The following PCDHGA1 variants were observed in gnomAD, a reference collection of about 807,000 sequenced individuals.
The protein encoded by PCDHGA1 is protocadherin gamma subfamily A, 1.
In PCDHGA1, 32 loss-of-function variants were observed where a neutral mutation model predicts 58.0. The ratio of observed to expected loss-of-function variants is 0.55; its 90% CI spans 0.42 to 0.74. The LOEUF is 0.74. PCDHGA1 is among the 30% of genes least tolerant of loss of function. The probability of loss-of-function intolerance (pLI) is 0.00; values close to 1 mark genes in which losing one functional copy is unlikely to be tolerated. For missense variants in PCDHGA1, 1,205 were observed against 1,182.3 expected, an observed-to-expected ratio of 1.02 and a Z score of -0.28; for synonymous variants, 498 against 501.1, an observed-to-expected ratio of 0.99 and a Z score of 0.08.
At chr5:141,350,392 G>A (rs778408660) in intron 1 of PCDHGA1, 91 of 1,598,620 alleles carry the variant, frequency 5.7e-5, no homozygotes, top group Non-Finnish European at 7.4e-5. Flanking sequence ...ACGGCTCACG[G>A]GTGGGGAAAC....
chr5:141,508,409 G>T (rs143032030), intron 3 of PCDHGA1: 4 of 152,276 alleles, frequency 2.6e-5, no homozygotes, highest in South Asian at 2.1e-4. Context: ...CTTGAGCCAC[G>T]CAGAGACTTG....
At position 141,486,785 on chromosome 5, in the gene PCDHGA1, C is replaced by T. The variant is rs763174232; in HGVS notation, c.2422-8022C>T. 1.2e-5 allele frequency: 20 copies of T among 1,614,102 alleles called. No homozygotes were observed. The highest frequency in any genetic ancestry group is 5.3e-5 in the African/African-American group (4 of 74,936). On this transcript the variant is annotated intron_variant, in intron 1 of 3. Transcript: ENST00000517417. This position sits in a 1 kb window ranked among gnomAD's most constrained non-coding sequence, Gnocchi z 5.0. ...GACACTGCAGTTTGAGGTGCAGGCC[C>T]GGGATCGGGGCAACCCACCCCTTAG...
At chr5:141,464,279 C>CAAA (rs373828487) in intron 1 of PCDHGA1, among the ~76,000 whole-genome samples, 8 of 137,748 alleles carry the variant, frequency 5.8e-5, no homozygotes, top group Admixed American at 1.5e-4. Flanking sequence ...AAAAAAAAAG[C>CAAA]AAAAAAAAAA....
At chr5:141,370,557 G>A (rs1439774902) in intron 1 of PCDHGA1, 1 of 1,613,966 alleles carries the variant, frequency 6.2e-7, no homozygotes, top group East Asian at 2.2e-5. Context: ...CAAGGACCTG[G>A]GGTTTGGCGT....
In PCDHGA1 at chr5:141,477,868, C is replaced by T. The variant is rs1450078298; in HGVS notation, c.2422-16939C>T. 2 of 1,613,750 alleles carry T rather than the reference C, an allele frequency of 1.2e-6. No individual in the cohort carries two copies. Among genetic ancestry groups the T allele is most frequent in the Admixed American group, 3.3e-5 (2 of 59,988 alleles). On this transcript the variant is annotated intron_variant, in intron 1 of 3. Coordinates refer to ENST00000517417, the MANE Select transcript of PCDHGA1 (RefSeq NM_018912.3). This position sits in a 1 kb window ranked among gnomAD's most constrained non-coding sequence, Gnocchi z 4.9. ...CGGTGGAGATGCTGCCTCGAGGTAC[C>T]TCAGCTGGCCACCTAGTGTCACGGG...
chr5:141,490,346 TG>T lies in PCDHGA1; in HGVS notation c.2422-4457del, dbSNP rs1458588422. ...GAGAGCACACCAGTGGGCACAGTAG[TG>T]GGGTTGTTTAATGTGCGAGACCGGG... On this transcript the variant is annotated intron_variant, in intron 1 of 3. Coordinates refer to ENST00000517417, the MANE Select transcript of PCDHGA1 (RefSeq NM_018912.3). The surrounding 1 kb of genome is among the most constrained non-coding windows in gnomAD (Gnocchi z 5.4). 1.2e-6 allele frequency: 2 copies of T among 1,614,164 alleles called. No individual in the cohort carries two copies. The highest frequency in any genetic ancestry group is 3.3e-5 in the Admixed American group (2 of 60,032).
intron 1 of PCDHGA1, among the ~76,000 whole-genome samples, chr5:141,425,257 G>A (rs746250240): frequency 6.6e-6 from 1 of 152,152 alleles, no homozygotes; most frequent in Non-Finnish European, 1.5e-5. Context: ...TGAGGTATTT[G>A]GCTGGGAAAA....
At chr5:141,346,174 T>A (rs372047139) in intron 1 of PCDHGA1, 344 of 1,613,974 alleles carry the variant, frequency 2.1e-4, no homozygotes, top group South Asian at 1.3e-3. Context: ...CTGCTGGCGC[T>A]CAGGCTGCGG....
intron 1 of PCDHGA1, chr5:141,402,950 G>A (rs992704558): frequency 2.5e-6 from 4 of 1,596,662 alleles, no homozygotes; most frequent in Non-Finnish European, 3.4e-6. Flanking sequence ...AAGCGAGGCA[G>A]CAATGGCAGC....
At position 141,476,746 on chromosome 5, in the gene PCDHGA1, C is replaced by A; in HGVS notation, c.2422-18061C>A. 1 of 1,614,068 alleles carries A rather than the reference C, an allele frequency of 6.2e-7. No homozygotes were observed. On this transcript the variant is annotated intron_variant, in intron 1 of 3. Transcript: ENST00000517417. The surrounding 1 kb of genome is among the most constrained non-coding windows in gnomAD (Gnocchi z 7.6). ...TGGACCGAGAACGGGAGCCTAGTCT[C>A]CAGTTAGTGCTGACGGCGTTGGACG...
intron 1 of PCDHGA1, chr5:141,345,048 G>T (rs1460374236): frequency 6.2e-7 from 1 of 1,613,822 alleles, no homozygotes; most frequent in Non-Finnish European, 8.5e-7. Flanking sequence ...CACGGTTCTG[G>T]ATGTGAATGA....
chr5:141,392,546 T>A (rs1207052717), intron 1 of PCDHGA1: 1 of 336,090 alleles, frequency 3.0e-6, no homozygotes, highest in Non-Finnish European at 5.4e-6. Flanking sequence ...AGAAGTAATC[T>A]GTATCTCAGT....
intron 1 of PCDHGA1, chr5:141,419,517 G>A: frequency 6.2e-7 from 1 of 1,612,224 alleles, no homozygotes; most frequent in South Asian, 1.1e-5. Context: ...GTGTTGGTGG[G>A]CGACCGTAAC....
At chr5:141,384,163 C>T in intron 1 of PCDHGA1, 1 of 1,613,658 alleles carries the variant, frequency 6.2e-7, no homozygotes, top group Non-Finnish European at 8.5e-7. Context: ...TAACATCACA[C>T]TGAAAGCCAC....
chr5:141,416,378 A>C (rs2096019434), intron 1 of PCDHGA1: 1 of 152,230 alleles, frequency 6.6e-6, no homozygotes, highest in South Asian at 2.1e-4. Flanking sequence ...GAAATTAAGA[A>C]TATTTGGGAT....
intron 1 of PCDHGA1, chr5:141,400,274 G>C: frequency 6.2e-7 from 1 of 1,614,032 alleles, no homozygotes; most frequent in Non-Finnish European, 8.5e-7. Flanking sequence ...CGCTCCTCCA[G>C]CCCTGCCGCC....
At position 141,464,036 on chromosome 5, in the gene PCDHGA1, G is replaced by A. The variant is rs907276618; in HGVS notation, c.2422-30771G>A. On this transcript the variant is annotated intron_variant, in intron 1 of 3. Coordinates refer to ENST00000517417, the MANE Select transcript of PCDHGA1 (RefSeq NM_018912.3). ...ATCCCACACTTTGGGAGGCCAAGGC[G>A]GGTGGATCACCTGAGGTCAGGAGTT... Among the ~76,000 whole-genome samples the A allele has an allele frequency of 2.6e-5, 4 of 152,096 alleles. No individual in the cohort carries two copies. The East Asian group carries it at 5.8e-4, about 22-fold the overall frequency.
chr5:141,382,477 A>C (rs906879449), intron 1 of PCDHGA1, among the ~76,000 whole-genome samples: 5 of 152,240 alleles, frequency 3.3e-5, no homozygotes, highest in African/African-American at 1.2e-4. Context: ...ATTATCTAAG[A>C]TTATCAAACA....
At chr5:141,415,863 GTGT>G in intron 1 of PCDHGA1, 1 of 1,107,154 alleles carries the variant, frequency 9.0e-7, no homozygotes, top group Non-Finnish European at 1.2e-6. Flanking sequence ...GTAGTTTATA[GTGT>G]TGTTGAGTAC....
Sources: allele counts gnomAD v4.1 joint callset (sites outside exome capture counted in the v4.1 genomes callset), GRCh38; gene constraint gnomAD v4.1.1; non-coding constraint Gnocchi (gnomAD v3.1); transcripts MANE v1.5; gene names NCBI Gene and HGNC (gene_info 2026-07-23, HGNC 2026-07-21).